The following KIAA0319 variants were observed in gnomAD, a reference collection of about 807,000 sequenced individuals.
KIAA0319 encodes the protein dyslexia-associated protein KIAA0319.
Under a neutral mutation model 108.4 loss-of-function variants are expected in KIAA0319, and 83 were observed. That is an observed-to-expected ratio of 0.77 (90% CI 0.64 to 0.92). The LOEUF is 0.92. Among genes scored for constraint, KIAA0319 ranks in the 40% least tolerant of loss-of-function variants. The pLI is 0.00. For missense variants in KIAA0319, 1,195 were observed against 1,322.4 expected, an observed-to-expected ratio of 0.90 and a Z score of 1.49; for synonymous variants, 484 against 510.4, an observed-to-expected ratio of 0.95 and a Z score of 0.70.
At chr6:24,630,326 T>C (rs1486119902) in intron 1 of KIAA0319, among the ~76,000 whole-genome samples, 1 of 151,660 alleles carries the variant, frequency 6.6e-6, no homozygotes, top group Non-Finnish European at 1.5e-5. Context: ...CTGGCCAATA[T>C]GGTGAAACCC....
chr6:24,592,576 ACTT>A (rs1164882751), intron 3 of KIAA0319, among the ~76,000 whole-genome samples: 21 of 152,260 alleles, frequency 1.4e-4, no homozygotes, highest in Admixed American at 7.9e-4. Context: ...TGAGCAAATG[ACTT>A]CTTATTATGC....
At position 24,645,901 on chromosome 6, in the gene KIAA0319, G is replaced by A. The variant is rs971564318; in HGVS notation, c.-271C>T. 6.8e-6 allele frequency: 1 copy of A among 146,710 alleles called. No homozygotes were observed. Among genetic ancestry groups the A allele is most frequent in the Admixed American group, 6.8e-5 (1 of 14,670 alleles). The allele number at this position is 146,710 out of a possible 1,614,324, so 9.1% of individuals were successfully genotyped here. On this transcript the variant is annotated 5_prime_UTR_variant, in exon 1 of 21. Coordinates refer to ENST00000378214, the MANE Select transcript of KIAA0319 (RefSeq NM_014809.4). ...CACACACACACACGTTCACACCCTC[G>A]CGCGCGCACCTGCTGTTAAGAGGTA...
chr6:24,580,320 C>G (rs946647265), intron 7 of KIAA0319, among the ~76,000 whole-genome samples: 3 of 146,914 alleles, frequency 2.0e-5, no homozygotes, highest in Non-Finnish European at 3.0e-5. Context: ...CTCCCCCCCC[C>G]ACCCCCCATA....
chr6:24,640,288 T>C (rs9366576), intron 1 of KIAA0319, among the ~76,000 whole-genome samples: 3 of 151,706 alleles, frequency 2.0e-5, no homozygotes, highest in Admixed American at 1.3e-4. Flanking sequence ...ATCAGGGAAA[T>C]AGAGATGAGA....
downstream of KIAA0319, among the ~76,000 whole-genome samples, chr6:24,541,670 C>T (rs1317605732): frequency 5.9e-5 from 9 of 152,086 alleles, no homozygotes; most frequent in South Asian, 4.2e-4. Flanking sequence ...TGGTGGTGGG[C>T]GCCTGTAATC....
At chr6:24,633,571 C>G (rs1775842847) in intron 1 of KIAA0319, among the ~76,000 whole-genome samples, 1 of 151,180 alleles carries the variant, frequency 6.6e-6, no homozygotes, top group African/African-American at 2.4e-5. Context: ...ATCAGCCTGG[C>G]CAACATAGTG....
rs755070863 is a variant in KIAA0319 at position 24,579,937 on chromosome 6, G to A, written c.1293C>T (p.Asn431=). ...NVTVKPARRV[N]LPPVAVVSPQ... ...GAGAAACAACTGCTACAGGTGGCAGGTTGACTCTTCTGGCTGTAACAAAAA... is the reference window on the plus strand; with the variant it reads ...GAGAAACAACTGCTACAGGTGGCAGATTGACTCTTCTGGCTGTAACAAAAA... Residue 431 remains asparagine (N), a synonymous_variant, in exon 8 of 21, where the codon AAC becomes AAT. Coordinates refer to ENST00000378214, the MANE Select transcript of KIAA0319 (RefSeq NM_014809.4). 4 of 1,592,856 alleles carry A rather than the reference G, an allele frequency of 2.5e-6. No homozygotes were observed. Among genetic ancestry groups the A allele is most frequent in the Non-Finnish European group, 3.4e-6 (4 of 1,169,240 alleles).
intron 2 of KIAA0319, among the ~76,000 whole-genome samples, 198 bp from the exon 3 acceptor site, chr6:24,596,816 CCACT>C (rs1769689235): frequency 6.6e-6 from 1 of 152,140 alleles, no homozygotes; most frequent in Non-Finnish European, 1.5e-5. Context: ...ACCTTCCCAC[CCACT>C]CATTCATCTT....
intron 8 of KIAA0319, among the ~76,000 whole-genome samples, chr6:24,579,412 G>GAT (rs3840133): frequency 0.32 from 40,402 of 127,176 alleles, 6,930 homozygotes; most frequent in East Asian, 0.57. Flanking sequence ...TCTATATAAA[G>GAT]ATATATATAT....
At chr6:24,616,803 T>C (rs572898885) in intron 1 of KIAA0319, among the ~76,000 whole-genome samples, 23 of 152,340 alleles carry the variant, frequency 1.5e-4, no homozygotes, top group African/African-American at 4.1e-4. Context: ...TTAAAAACTT[T>C]TGTCTTACCT....
intron 18 of KIAA0319, among the ~76,000 whole-genome samples, chr6:24,555,357 C>G (rs190562306): frequency 6.6e-6 from 1 of 152,108 alleles, no homozygotes; most frequent in East Asian, 1.9e-4. Context: ...ATTAGCTGGA[C>G]ATGATGGCAC....
At chr6:24,589,391 T>C (rs1355707228) in intron 3 of KIAA0319, among the ~76,000 whole-genome samples, 2 of 152,216 alleles carry the variant, frequency 1.3e-5, no homozygotes, top group African/African-American at 2.4e-5. Context: ...AAATGTCTGT[T>C]GTTTAAGCCA....
In KIAA0319 at chr6:24,579,914, G is replaced by A. The variant is rs1766216618; in HGVS notation, c.1316C>T (p.Ser439Phe). Reference protein sequence around the residue: ...RVNLPPVAVVSPQLQELTLPL... With the variant: ...RVNLPPVAVVFPQLQELTLPL... ...CAAAGTGAGCTCTTGCAGTTGGGGA[G>A]AAACAACTGCTACAGGTGGCAGGTT... is the stretch of plus-strand genomic sequence containing the variant. Residue 439 changes from serine to phenylalanine, a missense_variant, in exon 8 of 21, where the codon TCT becomes TTT. Ser to Phe is a radical substitution (Grantham distance 155, BLOSUM62 -2). Transcript: ENST00000378214. 1.9e-6 allele frequency: 3 copies of A among 1,601,138 alleles called. No homozygotes were observed. The highest frequency in any genetic ancestry group is 2.2e-5 in the East Asian group (1 of 44,558).
chr6:24,563,289 C>G (rs1763349047), intron 16 of KIAA0319, 70 bp downstream of exon 16: 9 of 1,485,836 alleles, frequency 6.1e-6, no homozygotes, highest in Middle Eastern at 1.8e-4. Context: ...CAGTTTTCTA[C>G]TGGACTGGGA....
At chr6:24,556,493 A>G in intron 18 of KIAA0319, 114 bp downstream of exon 18, 1 of 1,148,122 alleles carries the variant, frequency 8.7e-7, no homozygotes, top group Non-Finnish European at 1.2e-6. Flanking sequence ...TGTAAAGGTG[A>G]AGTCTCACTA....
At chr6:24,541,205 T>C (rs1438375532), downstream of KIAA0319, among the ~76,000 whole-genome samples, 1 of 152,334 alleles carries the variant, frequency 6.6e-6, no homozygotes, top group East Asian at 1.9e-4. Flanking sequence ...AAGACCGAGA[T>C]CAAGGTGTCG....
intron 1 of KIAA0319, among the ~76,000 whole-genome samples, chr6:24,603,918 C>T (rs1209122187): frequency 6.6e-6 from 1 of 152,088 alleles, no homozygotes; most frequent in East Asian, 1.9e-4. Context: ...ACAGCTGCTG[C>T]CTAGCCTAAC....
In KIAA0319 at chr6:24,627,441, T is replaced by C. The variant is rs370387946; in HGVS notation, c.-106+18295A>G. Among the ~76,000 whole-genome samples, 7 of 146,284 alleles carry C rather than the reference T, an allele frequency of 4.8e-5. No individual in the cohort carries two copies. The East Asian group carries it at 8.5e-4, about 18-fold the overall frequency. ...GAAGGTGATTAGGTCTTAGTGAGCA[T>C]TTTCCCTCCCTCCCTTCCTTCTTTC... On this transcript the variant is annotated intron_variant, in intron 1 of 20. Coordinates refer to ENST00000378214, the MANE Select transcript of KIAA0319 (RefSeq NM_014809.4).
Position 24,581,005 on chromosome 6 carries a change from G to T in KIAA0319, c.1200C>A (p.Val400=). The T allele has an allele frequency of 1.2e-6, 2 of 1,605,006 alleles. No individual in the cohort carries two copies. Among genetic ancestry groups the T allele is most frequent in the Non-Finnish European group, 8.5e-7 (1 of 1,172,118 alleles). ...KQTLNLSQLS[V]GLYVFKVTVS... is the part of the protein sequence containing the mutation. ...CAGTGACTTTGAAGACATAAAGTCCGACGGACAACTGTAACATAAAGAAAA... is the reference window on the plus strand; with the variant it reads ...CAGTGACTTTGAAGACATAAAGTCCTACGGACAACTGTAACATAAAGAAAA... The change falls in exon 7 of 21, where the codon GTC becomes GTA. Residue 400 remains valine (V), a synonymous_variant. Transcript: ENST00000378214.
Sources: gnomAD v4.1 joint callset for allele counts (sites outside exome capture counted in the v4.1 genomes callset) on GRCh38, gnomAD v4.1.1 for gene constraint, MANE v1.5 for transcripts, NCBI Gene and HGNC (gene_info 2026-07-23, HGNC 2026-07-21) for gene names.